RORA: variants seen among roughly 807,000 people sequenced by gnomAD.
The protein encoded by RORA is RAR related orphan receptor A.
A neutral mutation model predicts 69.5 loss-of-function variants in RORA; 7 were observed. That is an observed-to-expected ratio of 0.10 (90% CI 0.06 to 0.19). The LOEUF (loss-of-function observed/expected upper bound fraction) is 0.19. RORA is among the 10% of genes least tolerant of loss of function. The pLI is 1.00. For missense variants in RORA, 457 were observed against 663.0 expected (o/e 0.69, Z 3.41); for synonymous variants, 261 against 240.8 (o/e 1.08, Z -0.78).
At chr15:60,670,201 C>CTTTTTT (rs60799050) in intron 2 of RORA, among the ~76,000 whole-genome samples, 7 of 126,108 alleles carry the variant, frequency 5.6e-5, no homozygotes, top group Non-Finnish European at 4.9e-5. Flanking sequence ...TATCCTACCT[C>CTTTTTT]TTTTTTTTTT....
At chr15:60,963,161 C>T (rs190295359) in intron 1 of RORA, among the ~76,000 whole-genome samples, 22 of 152,334 alleles carry the variant, frequency 1.4e-4, no homozygotes, top group Admixed American at 3.9e-4. Context: ...CCCATTTACG[C>T]TTCGAAGAAA....
chr15:60,888,299 C>A (rs72750690), intron 1 of RORA, among the ~76,000 whole-genome samples: 104 of 152,354 alleles, frequency 6.8e-4, no homozygotes, highest in African/African-American at 2.3e-3. Context: ...TCAGGGGACA[C>A]TGGCCTGACC....
chr15:60,923,807 GA>G (rs1892122184), intron 1 of RORA, among the ~76,000 whole-genome samples: 1 of 152,232 alleles, frequency 6.6e-6, no homozygotes, highest in South Asian at 2.1e-4. Context: ...GAAGAGCCAG[GA>G]AAAAACCCTC....
At chr15:60,680,424 C>A (rs1039818959) in intron 1 of RORA, among the ~76,000 whole-genome samples, 6 of 151,864 alleles carry the variant, frequency 4.0e-5, no homozygotes, top group Non-Finnish European at 8.8e-5. Context: ...TATTATACAG[C>A]GTGATGCAGT....
chr15:60,500,660 T>G (rs2065302882), intron 9 of RORA, among the ~76,000 whole-genome samples: 1 of 152,230 alleles, frequency 6.6e-6, no homozygotes, highest in South Asian at 2.1e-4. Context: ...GGCAACCCTA[T>G]TCCACCACAG....
intron 1 of RORA, among the ~76,000 whole-genome samples, chr15:60,917,680 T>G (rs1190059841): frequency 6.6e-6 from 1 of 152,244 alleles, no homozygotes; most frequent in Non-Finnish European, 1.5e-5. Context: ...GTCAGTGTAC[T>G]CTTGGCTGAT....
At chr15:60,974,390 C>T (rs887272272) in intron 1 of RORA, among the ~76,000 whole-genome samples, 7 of 152,200 alleles carry the variant, frequency 4.6e-5, no homozygotes, top group African/African-American at 1.7e-4. Context: ...TCTCAGGCTC[C>T]TTGTCTATAC....
At chr15:61,133,475 G>A (rs2079210006) in intron 1 of RORA, among the ~76,000 whole-genome samples, 1 of 152,168 alleles carries the variant, frequency 6.6e-6, no homozygotes, top group African/African-American at 2.4e-5. Context: ...AAAGAATCTG[G>A]AGAAGCATCT....
At chr15:60,783,408 A>G (rs2072291370) in intron 1 of RORA, among the ~76,000 whole-genome samples, 1 of 152,228 alleles carries the variant, frequency 6.6e-6, no homozygotes, top group Non-Finnish European at 1.5e-5. Flanking sequence ...TGTGTGCTAC[A>G]CAATGTTTTG....
chr15:60,822,809 C>T (rs552221002), intron 1 of RORA, among the ~76,000 whole-genome samples: 2 of 152,280 alleles, frequency 1.3e-5, no homozygotes, highest in South Asian at 4.1e-4. Context: ...ATCAGTATTT[C>T]GTTTAAAGGC....
At chr15:60,704,929 T>C (rs1270374330) in intron 1 of RORA, among the ~76,000 whole-genome samples, 2 of 152,196 alleles carry the variant, frequency 1.3e-5, no homozygotes, top group Non-Finnish European at 2.9e-5. Flanking sequence ...TGTTTTGCTG[T>C]GAATGAGTTT....
chr15:61,065,909 A>AT, intron 1 of RORA, among the ~76,000 whole-genome samples: 1 of 152,280 alleles, frequency 6.6e-6, no homozygotes, highest in South Asian at 2.1e-4. Context: ...AAAGCAGGCA[A>AT]TTTATCTTTC....
At chr15:61,129,111 A>G (rs1160145764) in intron 1 of RORA, among the ~76,000 whole-genome samples, 1 of 152,258 alleles carries the variant, frequency 6.6e-6, no homozygotes, top group East Asian at 1.9e-4. Context: ...TGGCAGTTTT[A>G]CAAGTCATTA....
rs1034852128 is a variant in RORA at position 60,905,766 on chromosome 15, G to A, written c.167-227080C>T. ...CACCTGTGCTGAGCAGGTTAGAGCC[G>A]GCCTGGTTCTTGGGGCACCCCCTAG... On this transcript the variant is annotated intron_variant, in intron 1 of 10. Transcript: ENST00000335670. This position sits in a 1 kb window ranked among gnomAD's most constrained non-coding sequence, Gnocchi z 4.8. Among the ~76,000 whole-genome samples, 5 of 152,232 alleles carry A rather than the reference G, an allele frequency of 3.3e-5. No homozygotes were observed. In the East Asian group the frequency reaches 7.7e-4, roughly 24 times the overall value.
intron 1 of RORA, among the ~76,000 whole-genome samples, chr15:61,150,428 T>G (rs2079387863): frequency 6.6e-6 from 1 of 152,198 alleles, no homozygotes; most frequent in Admixed American, 6.5e-5. Context: ...CTCATACATT[T>G]GGTCTATATT....
chr15:60,916,675 G>C (rs907616895), intron 1 of RORA, among the ~76,000 whole-genome samples: 6 of 152,128 alleles, frequency 3.9e-5, no homozygotes, highest in Non-Finnish European at 8.8e-5. Context: ...AATCAGAAAA[G>C]GTGATAGGTG....
chr15:60,876,381 G>A (rs910616586), intron 1 of RORA, among the ~76,000 whole-genome samples: 5 of 147,796 alleles, frequency 3.4e-5, no homozygotes, highest in Non-Finnish European at 7.4e-5. Flanking sequence ...TTGACAAATG[G>A]TTTTGCTGAC....
chr15:60,689,227 G>T (rs1212664958), intron 1 of RORA, among the ~76,000 whole-genome samples: 1 of 152,152 alleles, frequency 6.6e-6, no homozygotes, highest in Non-Finnish European at 1.5e-5. Context: ...GCTGAAAGTG[G>T]TCAGCTGTCA....
chr15:60,769,144 T>A (rs997507423), intron 1 of RORA, among the ~76,000 whole-genome samples: 3 of 152,182 alleles, frequency 2.0e-5, no homozygotes, highest in Non-Finnish European at 4.4e-5. Flanking sequence ...TAATAACAGG[T>A]TCTTAGCTGT....
Sources: gnomAD v4.1 joint callset for allele counts (sites outside exome capture counted in the v4.1 genomes callset) on GRCh38, gnomAD v4.1.1 for gene constraint, Gnocchi (gnomAD v3.1) non-coding constraint, MANE v1.5 for transcripts, NCBI Gene and HGNC (gene_info 2026-07-23, HGNC 2026-07-21) for gene names.